Variants in ADGRG4 observed in about 807,000 individuals in gnomAD.
ADGRG4 encodes adhesion G protein-coupled receptor G4, also known as G protein-coupled receptor 112.
Under a neutral mutation model 126.2 loss-of-function variants are expected in ADGRG4, and 122 were observed. The observed-to-expected ratio is 0.97, with a 90% CI of 0.83 to 1.12. The LOEUF is 1.12. Ranked by LOEUF, ADGRG4 falls within the 50% of genes most tolerant of loss-of-function variation. ADGRG4 has a pLI of 0.00. For synonymous variants in ADGRG4, 943 were observed against 838.7 expected (o/e 1.12, Z -2.15); for missense variants, 2,481 against 2,251.8 (o/e 1.10, Z -2.06).
At chrX:136,329,360 T>G (rs1265175799) in intron 5 of ADGRG4, among the ~76,000 whole-genome samples, 6 of 112,238 alleles carry the variant, frequency 5.3e-5, no homozygotes, top group Non-Finnish European at 1.1e-4. Flanking sequence ...AGCTACTCTA[T>G]ACCTCTGTTC....
chrX:136,383,812 G>GT, intron 15 of ADGRG4, among the ~76,000 whole-genome samples: 1 of 85,851 alleles, frequency 1.2e-5, no homozygotes, highest in Non-Finnish European at 2.3e-5. Context: ...ATATATATTT[G>GT]CCTTTCTTTC....
chrX:136,368,306 G>A (rs1164893782), intron 13 of ADGRG4, among the ~76,000 whole-genome samples: 2 of 112,227 alleles, frequency 1.8e-5, no homozygotes, highest in Non-Finnish European at 3.8e-5. Context: ...CACATATAAT[G>A]CCTTGCTGTT....
At chrX:136,316,332 T>C (rs970697386) in intron 4 of ADGRG4, among the ~76,000 whole-genome samples, 3 of 110,811 alleles carry the variant, frequency 2.7e-5, no homozygotes, top group Non-Finnish European at 5.7e-5. Flanking sequence ...GAAAAACCTG[T>C]ATAGGATATG....
chrX:136,303,940 C>T (rs780137175), intron 1 of ADGRG4, among the ~76,000 whole-genome samples, 193 bp from the exon 2 acceptor site: 4 of 111,329 alleles, frequency 3.6e-5, no homozygotes, highest in Non-Finnish European at 5.7e-5. Context: ...GCTCAGCCCT[C>T]TCTGTGGGAG....
At position 136,346,892 on chromosome X, in the gene ADGRG4, A is replaced by G. The variant is rs764981088; in HGVS notation, c.3186A>G (p.Ala1062=). The G allele has an allele frequency of 2.2e-5, 27 of 1,210,907 alleles. No individual in the cohort carries two copies. The highest frequency in any genetic ancestry group is 2.9e-5 in the Non-Finnish European group (26 of 894,851). ...TATCCTCAACTACAATGACCACAGCATTGGTACCACCTTTGGATCAGACTG... is the reference window on the plus strand; with the variant it reads ...TATCCTCAACTACAATGACCACAGCGTTGGTACCACCTTTGGATCAGACTG... ...SNLSSTTMTT[A]LVPPLDQTAS... Residue 1062 remains alanine, a synonymous_variant, in exon 6 of 26, where the codon GCA becomes GCG. Transcript: ENST00000394143.
chrX:136,356,984 A>G (rs777199952), intron 9 of ADGRG4, among the ~76,000 whole-genome samples: 2 of 112,393 alleles, frequency 1.8e-5, no homozygotes, highest in African/African-American at 3.2e-5. Context: ...CCTAGGTGAT[A>G]GAGCAAGGCT....
chrX:136,405,915 T>A lies in ADGRG4; in HGVS notation c.8878T>A (p.Trp2960Arg), dbSNP rs1436825785. 8.6e-7 allele frequency: 1 copy of A among 1,161,697 alleles called. No homozygotes were observed. The highest frequency in any genetic ancestry group is 3.1e-5 in the East Asian group (1 of 32,612). Residue 2960 changes from tryptophan (W) to arginine (R), a missense_variant, in exon 23 of 26, where the codon TGG becomes AGG. Physicochemically the swap from Trp to Arg is moderately radical, Grantham distance 101. Coordinates refer to ENST00000394143, the MANE Select transcript of ADGRG4 (RefSeq NM_153834.4). ...GLTWGFAFFA[W>R]GPMRNFFLYL... ...CACCTGGGGGTTTGCATTTTTTGCTTGGGGACCCATGAGGAACTTTTTCTT... is the reference window on the plus strand; with the variant it reads ...CACCTGGGGGTTTGCATTTTTTGCTAGGGGACCCATGAGGAACTTTTTCTT...
At chrX:136,395,591 G>A in intron 19 of ADGRG4, 98 bp downstream of exon 19, 4 of 427,009 alleles carry the variant, frequency 9.4e-6, no homozygotes, top group South Asian at 5.9e-5. Context: ...GTATGCATTT[G>A]GAAAAAAATC....
Position 136,345,459 on chromosome X carries a change from A to T in ADGRG4, c.1753A>T (p.Thr585Ser). The change falls in exon 6 of 26, where the codon ACT becomes TCT. Residue 585 changes from threonine to serine, a missense_variant. Physicochemically the swap from Thr to Ser is moderately conservative, Grantham distance 58. Coordinates refer to ENST00000394143, the MANE Select transcript of ADGRG4 (RefSeq NM_153834.4). ...IDAEATRTAL[T>S]PEITLASTVA... ...TGCTGAAGCTACACGTACAGCCTTA[A>T]CTCCTGAAATCACACTTGCATCTAC... 2 of 1,210,615 alleles carry T rather than the reference A, an allele frequency of 1.7e-6. No individual in the cohort carries two copies. Among genetic ancestry groups the T allele is most frequent in the Non-Finnish European group, 2.2e-6 (2 of 894,797 alleles).
chrX:136,359,318 C>T lies in ADGRG4; in HGVS notation c.7007C>T (p.Ala2336Val). The T allele has an allele frequency of 8.3e-7, 1 of 1,203,619 alleles. No individual in the cohort carries two copies. The highest frequency in any genetic ancestry group is 1.8e-5 in the South Asian group (1 of 55,136). ...TGTGTTTGTCAGGTCATCATAAAAG[C>T]CAGCTCTTCCTTAGCATCCTCTGAA... ...YSCVCQVIIK[A>V]SSSLASSELM... The change falls in exon 11 of 26, where the codon GCC becomes GTC. Residue 2336 changes from alanine (A) to valine (V), a missense_variant. Coordinates refer to ENST00000394143, the MANE Select transcript of ADGRG4 (RefSeq NM_153834.4).
At chrX:136,311,228 T>C (rs975583851) in intron 4 of ADGRG4, among the ~76,000 whole-genome samples, 7 of 110,619 alleles carry the variant, frequency 6.3e-5, no homozygotes, top group Non-Finnish European at 1.3e-4. Flanking sequence ...ACATTAGAGG[T>C]TGGGGCTTCA....
At chrX:136,328,844 A>G in intron 5 of ADGRG4, among the ~76,000 whole-genome samples, 1 of 111,314 alleles carries the variant, frequency 9.0e-6, no homozygotes, top group South Asian at 3.8e-4. Flanking sequence ...TCATACATCA[A>G]TTCTCTGTGC....
intron 24 of ADGRG4, 73 bp from the exon 25 acceptor site, chrX:136,414,087 C>T: frequency 1.2e-6 from 1 of 866,871 alleles, no homozygotes; most frequent in Non-Finnish European, 1.6e-6. Context: ...AATTTATATA[C>T]CATACAATTC....
At chrX:136,408,181 T>C (rs5975728) in intron 23 of ADGRG4, among the ~76,000 whole-genome samples, 7,149 of 111,949 alleles carry the variant, frequency 0.064, 505 homozygotes, top group African/African-American at 0.2. Flanking sequence ...GGAGCCTGCA[T>C]GGATAGAAGC....
chrX:136,357,353 T>C lies in ADGRG4; in HGVS notation c.6928-351T>C, dbSNP rs151264559. 4.5e-5 allele frequency among the ~76,000 whole-genome samples: 5 copies of C among 111,742 alleles called. No individual in the cohort carries two copies. In the East Asian group the frequency reaches 1.4e-3, roughly 32 times the overall value. On this transcript the variant is annotated intron_variant, in intron 9 of 25. Transcript: ENST00000394143. Reference sequence around the variant, plus strand: ...CACTGGGCTTAGAACATAGTAAATGTTTGATAGTGTTTACAATTGTCAATT... The same window carrying C: ...CACTGGGCTTAGAACATAGTAAATGCTTGATAGTGTTTACAATTGTCAATT...
rs778362705 is a variant in ADGRG4 at position 136,363,516 on chromosome X, G to A, written c.7317G>A (p.Lys2439=). The A allele has an allele frequency of 2.5e-6, 3 of 1,205,652 alleles. No individual in the cohort carries two copies. In the South Asian group the frequency reaches 5.3e-5, roughly 21 times the overall value. Residue 2439 remains lysine (K), a synonymous_variant, in exon 13 of 26, where the codon AAG becomes AAA. Coordinates refer to ENST00000394143, the MANE Select transcript of ADGRG4 (RefSeq NM_153834.4). ...SINTGKSQWE[K]PKFKQCKLLQ... is the part of the protein sequence containing the mutation. ...ACACGGGCAAATCTCAGTGGGAAAA[G>A]CCAAAGTTTAAACAATGCAAATTGC...
intron 4 of ADGRG4, among the ~76,000 whole-genome samples, chrX:136,316,888 T>C (rs1391361886): frequency 1.8e-5 from 2 of 111,739 alleles, no homozygotes; most frequent in East Asian, 5.6e-4. Context: ...ACGAGTTCAG[T>C]ATACAGTCCA....
At chrX:136,355,335 C>T (rs2075087070) in intron 8 of ADGRG4, among the ~76,000 whole-genome samples, 1 of 111,054 alleles carries the variant, frequency 9.0e-6, no homozygotes, top group Non-Finnish European at 1.9e-5. Context: ...AAAGGCCCCG[C>T]CTCCTAATAT....
At chrX:136,416,237 A>G (rs2075474755) in intron 25 of ADGRG4, among the ~76,000 whole-genome samples, 1 of 112,017 alleles carries the variant, frequency 8.9e-6, no homozygotes, top group Admixed American at 9.5e-5. Context: ...TTCACAATGT[A>G]GGAAGAACAT....
Sources: allele counts gnomAD v4.1 joint callset (sites outside exome capture counted in the v4.1 genomes callset), GRCh38; gene constraint gnomAD v4.1.1; transcripts MANE v1.5; gene names NCBI Gene and HGNC (gene_info 2026-07-23, HGNC 2026-07-21).